DCUN1D4: variants seen among roughly 807,000 people sequenced by gnomAD.
DCUN1D4 encodes the protein DCN1-like protein 4.
DCUN1D4 carries 22 observed loss-of-function variants against 47.9 expected under a neutral mutation model. The ratio of observed to expected loss-of-function variants is 0.46; its 90% CI spans 0.33 to 0.66. The LOEUF is 0.66. DCUN1D4 is among the 30% of genes least tolerant of loss of function. The pLI is 0.02. For missense variants in DCUN1D4, 301 were observed against 340.8 expected, an observed-to-expected ratio of 0.88 and a Z score of 0.92; for synonymous variants, 121 against 112.2, an observed-to-expected ratio of 1.08 and a Z score of -0.50.
At chr4:51,875,050 A>C (rs1304362900) in intron 4 of DCUN1D4, 1 of 152,170 alleles carries the variant, frequency 6.6e-6, no homozygotes, top group African/African-American at 2.4e-5. Flanking sequence ...ATCTTTCCCC[A>C]TTCTGGCTTT....
intron 3 of DCUN1D4, chr4:51,865,153 AGTTCAAT>A (rs1725705128): frequency 4.7e-6 from 1 of 212,280 alleles, no homozygotes. Context: ...AATGAACTGC[AGTTCAAT>A]CACCTTTTTT....
intron 1 of DCUN1D4, chr4:51,843,473 C>T (rs1460131015): frequency 1.7e-6 from 2 of 1,205,818 alleles, no homozygotes; most frequent in African/African-American, 1.7e-5. Flanking sequence ...GGGAAGGGAC[C>T]GGCCTGCGGG....
intron 8 of DCUN1D4, 199 bp from the exon 9 acceptor site, chr4:51,910,871 A>G (rs1011471269): frequency 3.5e-6 from 2 of 570,864 alleles, no homozygotes; most frequent in African/African-American, 1.9e-5. Flanking sequence ...CAGTAAATTT[A>G]TATAATATCG....
the DCUN1D4 span, among the ~76,000 whole-genome samples, chr4:51,834,945 A>G: frequency 6.6e-6 from 1 of 152,208 alleles, no homozygotes; most frequent in Non-Finnish European, 1.5e-5. Flanking sequence ...CTTATCAAGG[A>G]AAAGAATAAA....
chr4:51,834,103 C>CTTTTTTTTTTT, the DCUN1D4 span, among the ~76,000 whole-genome samples: 865 of 42,484 alleles, frequency 0.02, 133 homozygotes, highest in African/African-American at 0.04. Flanking sequence ...TTTCTTCTTT[C>CTTTTTTTTTTT]TTTTTTTTTT....
chr4:51,900,269 G>C (rs2110099235), intron 8 of DCUN1D4, among the ~76,000 whole-genome samples: 1 of 151,658 alleles, frequency 6.6e-6, no homozygotes, highest in East Asian at 1.9e-4. Context: ...GGTGAATTTT[G>C]ATGCATCTTG....
intron 8 of DCUN1D4, chr4:51,905,082 C>T: frequency 2.6e-6 from 1 of 386,792 alleles, no homozygotes; most frequent in Non-Finnish European, 5.4e-6. Flanking sequence ...AGGGGCTGAT[C>T]ATTTCTTTCT....
At chr4:51,910,309 G>A (rs1033322060) in intron 8 of DCUN1D4, among the ~76,000 whole-genome samples, 12 of 152,110 alleles carry the variant, frequency 7.9e-5, no homozygotes, top group African/African-American at 2.7e-4. Context: ...AAATGTAAGT[G>A]GAATGAGCTT....
At chr4:51,845,240 G>A (rs1722352155) in intron 1 of DCUN1D4, 8 of 985,438 alleles carry the variant, frequency 8.1e-6, no homozygotes, top group Non-Finnish European at 8.4e-6. Context: ...AGAACACAGT[G>A]GAGGTACACG....
intron 1 of DCUN1D4, among the ~76,000 whole-genome samples, chr4:51,862,343 T>TCTTCTA (rs978811872): frequency 6.6e-6 from 1 of 152,244 alleles, no homozygotes; most frequent in African/African-American, 2.4e-5. Context: ...TAAAGCTTTC[T>TCTTCTA]AACTGTGAAC....
Position 51,913,613 on chromosome 4 carries a change from CTG to C in DCUN1D4, c.*31_*32del. 2 of 1,601,200 alleles carry C rather than the reference CTG, an allele frequency of 1.2e-6. No homozygotes were observed. Among genetic ancestry groups the C allele is most frequent in the Non-Finnish European group, 1.7e-6 (2 of 1,170,184 alleles). Reference sequence around the variant, plus strand: ...TTTATGCATAGCAGCGAGAGAGTCACTGTTACCACAGTTTTGTCACCCATTAG... The same window carrying C: ...TTTATGCATAGCAGCGAGAGAGTCACTTACCACAGTTTTGTCACCCATTAG... On this transcript the variant is annotated 3_prime_UTR_variant, in exon 11 of 11. Transcript: ENST00000334635.
At chr4:51,910,807 T>C (rs1733613024) in intron 8 of DCUN1D4, 8 of 481,046 alleles carry the variant, frequency 1.7e-5, no homozygotes, top group Non-Finnish European at 1.1e-5. Context: ...TGCTACGACA[T>C]AACTAATTGA....
At chr4:51,848,325 G>GT in intron 1 of DCUN1D4, 1 of 1,286,314 alleles carries the variant, frequency 7.8e-7, no homozygotes, top group South Asian at 1.2e-5. Context: ...CTGGTCTCTC[G>GT]TGTCAGCGTC....
chr4:51,890,469 T>A (rs1730248210), intron 6 of DCUN1D4, among the ~76,000 whole-genome samples: 1 of 152,170 alleles, frequency 6.6e-6, no homozygotes, highest in Non-Finnish European at 1.5e-5. Flanking sequence ...ACCTATTGCC[T>A]TTTTCTGTTT....
chr4:51,855,656 A>G (rs1030097954), intron 1 of DCUN1D4, among the ~76,000 whole-genome samples: 4 of 152,238 alleles, frequency 2.6e-5, no homozygotes, highest in African/African-American at 9.6e-5. Context: ...GGCAAGGATA[A>G]TGGAATGGGA....
intron 8 of DCUN1D4, among the ~76,000 whole-genome samples, chr4:51,902,814 T>G (rs1251880078): frequency 6.6e-6 from 1 of 152,180 alleles, no homozygotes; most frequent in Non-Finnish European, 1.5e-5. Context: ...TTTTCCTCTT[T>G]TCATGCCTTC....
the DCUN1D4 span, among the ~76,000 whole-genome samples, chr4:51,837,586 C>T: frequency 2.5e-5 from 3 of 122,422 alleles, no homozygotes; most frequent in Non-Finnish European, 4.8e-5. Flanking sequence ...ACCCGGAAGG[C>T]GGAGCTTGCA....
At chr4:51,905,427 A>T (rs1177984053) in intron 8 of DCUN1D4, 4 of 191,552 alleles carry the variant, frequency 2.1e-5, no homozygotes, top group African/African-American at 6.9e-5. Context: ...GGCCAACATG[A>T]TCAGTTCTCT....
At chr4:51,887,830 G>A (rs1021962975) in intron 6 of DCUN1D4, among the ~76,000 whole-genome samples, 1 of 148,598 alleles carries the variant, frequency 6.7e-6, no homozygotes, top group Non-Finnish European at 1.5e-5. Flanking sequence ...CCCCAGCAGT[G>A]CTTTAAATTT....
Sources: gnomAD v4.1 joint callset for allele counts (sites outside exome capture counted in the v4.1 genomes callset) on GRCh38, gnomAD v4.1.1 for gene constraint, MANE v1.5 for transcripts, NCBI Gene and HGNC (gene_info 2026-07-23, HGNC 2026-07-21) for gene names.